The following CACNA2D3 variants were observed in gnomAD, a reference collection of about 807,000 sequenced individuals.
CACNA2D3 encodes voltage-dependent calcium channel subunit alpha-2/delta-3.
CACNA2D3 carries 60 observed loss-of-function variants against 160.6 expected under a neutral mutation model. That is an observed-to-expected ratio of 0.37 (90% CI 0.30 to 0.46). CACNA2D3 has a LOEUF of 0.46. Among genes scored for constraint, CACNA2D3 ranks in the 20% least tolerant of loss-of-function variants. CACNA2D3 has a pLI of 1.00. For synonymous variants in CACNA2D3, 558 were observed against 492.9 expected, an observed-to-expected ratio of 1.13 and a Z score of -1.75; for missense variants, 1,205 against 1,365.0, an observed-to-expected ratio of 0.88 and a Z score of 1.85.
At chr3:54,861,256 T>A (rs1699285447) in intron 17 of CACNA2D3, among the ~76,000 whole-genome samples, 1 of 150,790 alleles carries the variant, frequency 6.6e-6, no homozygotes, top group Non-Finnish European at 1.5e-5. Context: ...CCAAGAGGAG[T>A]TGAAATCCTG....
intron 9 of CACNA2D3, among the ~76,000 whole-genome samples, chr3:54,583,718 G>T (rs1364524703): frequency 3.3e-5 from 5 of 152,030 alleles, no homozygotes. Context: ...TTCATATTTT[G>T]GATCTTGGAT....
chr3:54,506,641 C>CA (rs1701375524), intron 5 of CACNA2D3, among the ~76,000 whole-genome samples: 2 of 152,144 alleles, frequency 1.3e-5, no homozygotes, highest in African/African-American at 4.8e-5. Flanking sequence ...CATGGGAACT[C>CA]AAAGAGGCAT....
chr3:54,598,942 A>T (rs1391442126), intron 9 of CACNA2D3, among the ~76,000 whole-genome samples: 3 of 152,204 alleles, frequency 2.0e-5, no homozygotes, highest in Admixed American at 2.0e-4. Flanking sequence ...CGTGGCCAGC[A>T]TCTAATGTCC....
chr3:54,233,744 C>T (rs79446307), intron 2 of CACNA2D3, among the ~76,000 whole-genome samples: 1,650 of 152,200 alleles, frequency 0.011, 27 homozygotes, highest in African/African-American at 0.037. Flanking sequence ...CTTCACAGGT[C>T]GAAGAGAAGT....
chr3:54,672,718 T>C (rs1700181421), intron 11 of CACNA2D3, among the ~76,000 whole-genome samples: 1 of 152,214 alleles, frequency 6.6e-6, no homozygotes, highest in Non-Finnish European at 1.5e-5. Context: ...TTAGGTGACC[T>C]TGTGCAAGAC....
chr3:54,964,992 T>C (rs1043879216), intron 27 of CACNA2D3, among the ~76,000 whole-genome samples: 2 of 152,110 alleles, frequency 1.3e-5, no homozygotes, highest in African/African-American at 4.8e-5. Flanking sequence ...TCTAAAAATA[T>C]AAACCTGATC....
At chr3:54,598,438 G>T (rs1161720556) in intron 9 of CACNA2D3, among the ~76,000 whole-genome samples, 1 of 151,266 alleles carries the variant, frequency 6.6e-6, no homozygotes, top group Non-Finnish European at 1.5e-5. Context: ...AGAACATTTT[G>T]CCCAGTGCCC....
intron 2 of CACNA2D3, among the ~76,000 whole-genome samples, chr3:54,262,764 A>G (rs1181802592): frequency 6.6e-6 from 1 of 152,166 alleles, no homozygotes; most frequent in East Asian, 1.9e-4. Context: ...GCCATTACTC[A>G]AGTAATTATG....
chr3:54,842,801 A>G (rs1356324269), intron 16 of CACNA2D3, among the ~76,000 whole-genome samples: 2 of 151,308 alleles, frequency 1.3e-5, no homozygotes, highest in Non-Finnish European at 2.9e-5. Flanking sequence ...GGGTTTCACC[A>G]TGTTCACCAG....
chr3:54,302,048 C>T (rs959022843), intron 2 of CACNA2D3, among the ~76,000 whole-genome samples: 6 of 152,222 alleles, frequency 3.9e-5, no homozygotes, highest in African/African-American at 1.4e-4. Context: ...TGTTACTTTT[C>T]TGATTCCTGA....
At chr3:54,919,204 C>T (rs529112740) in intron 27 of CACNA2D3, among the ~76,000 whole-genome samples, 1 of 152,272 alleles carries the variant, frequency 6.6e-6, no homozygotes, top group East Asian at 1.9e-4. Flanking sequence ...CGCTGGGGGC[C>T]GATGGTGAGG....
chr3:54,535,411 T>G (rs1701874164), intron 5 of CACNA2D3, among the ~76,000 whole-genome samples: 1 of 152,236 alleles, frequency 6.6e-6, no homozygotes, highest in South Asian at 2.1e-4. Flanking sequence ...TGCCTATTTT[T>G]TGTTGTTTTC....
intron 14 of CACNA2D3, among the ~76,000 whole-genome samples, chr3:54,823,291 T>C (rs1703681471): frequency 6.6e-6 from 1 of 152,216 alleles, no homozygotes; most frequent in Non-Finnish European, 1.5e-5. Flanking sequence ...GACGTGTTCA[T>C]GTACTATTTT....
At chr3:54,391,581 G>C (rs947428593) in intron 4 of CACNA2D3, among the ~76,000 whole-genome samples, 1 of 151,230 alleles carries the variant, frequency 6.6e-6, no homozygotes, top group African/African-American at 2.4e-5. Context: ...TGCGATCTCA[G>C]CTCACTATAA....
intron 12 of CACNA2D3, among the ~76,000 whole-genome samples, chr3:54,760,869 T>C (rs941919844): frequency 2.6e-5 from 4 of 152,064 alleles, no homozygotes; most frequent in Non-Finnish European, 2.9e-5. Context: ...AGTCGGGAGT[T>C]GGCTTTGGAT....
At chr3:54,360,597 G>A (rs1698725378) in intron 3 of CACNA2D3, among the ~76,000 whole-genome samples, 2 of 152,130 alleles carry the variant, frequency 1.3e-5, no homozygotes, top group African/African-American at 4.8e-5. Flanking sequence ...CTGACCCTGG[G>A]CTGTGTCACG....
Position 54,338,467 on chromosome 3 carries a change from C to CTGTGTGTGTGTGTGTGTG in CACNA2D3, c.321+17937_321+17954dup, listed in dbSNP as rs71074965. ...TTATAGCTCTCTTCATCTCCCCTCC[C>CTGTGTGTGTGTGTGTGTG]TGTGTGTGTGTGTGTGTGTGTGTGT... On this transcript the variant is annotated intron_variant, in intron 3 of 37. Transcript: ENST00000474759. Among the ~76,000 whole-genome samples, 497 of 136,516 alleles carry CTGTGTGTGTGTGTGTGTG rather than the reference C, an allele frequency of 3.6e-3. 7 individuals carry two copies. Among genetic ancestry groups the CTGTGTGTGTGTGTGTGTG allele is most frequent in the East Asian group, 0.024 (105 of 4,444 alleles). The allele number at this position is 136,516 out of a possible 152,430, so 89.6% of individuals were successfully genotyped here. A position where few individuals can be genotyped will look rare whatever the true frequency, so the allele number is the denominator to read the frequency against.
intron 11 of CACNA2D3, among the ~76,000 whole-genome samples, chr3:54,738,996 T>C (rs1217342320): frequency 6.6e-6 from 1 of 152,072 alleles, no homozygotes; most frequent in Non-Finnish European, 1.5e-5. Context: ...CATACAAAAA[T>C]TAGCCAGGTG....
At chr3:54,372,405 G>A (rs1451229792) in intron 3 of CACNA2D3, among the ~76,000 whole-genome samples, 1 of 152,178 alleles carries the variant, frequency 6.6e-6, no homozygotes, top group Non-Finnish European at 1.5e-5. Flanking sequence ...GCCTTGGAGA[G>A]TTGCCAGAGT....
Sources: gnomAD v4.1 joint callset for allele counts (sites outside exome capture counted in the v4.1 genomes callset) on GRCh38, gnomAD v4.1.1 for gene constraint, MANE v1.5 for transcripts, NCBI Gene and HGNC (gene_info 2026-07-23, HGNC 2026-07-21) for gene names.